MARCHF1: variants seen among roughly 807,000 people sequenced by gnomAD.
MARCHF1 encodes the protein membrane associated ring-CH-type finger 1.
MARCHF1 carries 40 observed loss-of-function variants against 54.2 expected under a neutral mutation model. The ratio of observed to expected loss-of-function variants is 0.74; its 90% CI spans 0.57 to 0.96. MARCHF1 has a LOEUF of 0.96. MARCHF1 is among the 40% of genes least tolerant of loss of function. The pLI is 0.00. For synonymous variants in MARCHF1, 236 were observed against 236.3 expected, an observed-to-expected ratio of 1.00 and a Z score of 0.01; for missense variants, 586 against 656.5, an observed-to-expected ratio of 0.89 and a Z score of 1.17.
intron 4 of MARCHF1, among the ~76,000 whole-genome samples, chr4:163,765,830 AG>A (rs1746959142): frequency 2.0e-5 from 3 of 148,150 alleles, no homozygotes; most frequent in Non-Finnish European, 4.5e-5. Flanking sequence ...ATATAGATAT[AG>A]ATATAGATAT....
chr4:163,788,273 G>C (rs1579287499), intron 4 of MARCHF1, among the ~76,000 whole-genome samples: 1 of 151,826 alleles, frequency 6.6e-6, no homozygotes, highest in Non-Finnish European at 1.5e-5. Context: ...CTAATTTTAG[G>C]TTTATAGAAG....
Position 164,095,701 on chromosome 4 carries a change from G to A in MARCHF1, c.-248+15887C>T, listed in dbSNP as rs373752393. On this transcript the variant is annotated intron_variant, in intron 2 of 9. Coordinates refer to ENST00000514618, the MANE Select transcript of MARCHF1 (RefSeq NM_001394959.1). ...TCTGAAATTATTCTAAAAGTAAAAA[G>A]AAAAACCAAAACTCAACCAAAAAAC... Among the ~76,000 whole-genome samples the A allele has an allele frequency of 8.5e-3, 1,293 of 151,906 alleles. 19 individuals carry two copies. Among genetic ancestry groups the A allele is most frequent in the East Asian group, 0.051 (265 of 5,172 alleles).
chr4:163,644,084 AGCTAATAT>A (rs1742664074), intron 5 of MARCHF1, among the ~76,000 whole-genome samples: 1 of 152,158 alleles, frequency 6.6e-6, no homozygotes, highest in African/African-American at 2.4e-5. Flanking sequence ...ATTTAGGTAA[AGCTAATAT>A]TTTTACGTAT....
intron 1 of MARCHF1, among the ~76,000 whole-genome samples, chr4:164,297,169 G>T (rs1308138262): frequency 6.6e-6 from 1 of 152,150 alleles, no homozygotes; most frequent in African/African-American, 2.4e-5. Flanking sequence ...AATTCTCAAT[G>T]CAAACAATAA....
At chr4:163,635,309 G>T (rs1418307052) in intron 5 of MARCHF1, among the ~76,000 whole-genome samples, 8 of 147,168 alleles carry the variant, frequency 5.4e-5, no homozygotes, top group Non-Finnish European at 1.2e-4. Flanking sequence ...GAATCCAGGA[G>T]CTGGTTTTTT....
intron 1 of MARCHF1, among the ~76,000 whole-genome samples, chr4:164,133,110 T>C (rs1756334931): frequency 6.6e-6 from 1 of 152,150 alleles, no homozygotes; most frequent in African/African-American, 2.4e-5. Flanking sequence ...ATTATCTGAC[T>C]GGTGTATTTG....
chr4:163,557,760 T>C (rs1739339538), intron 8 of MARCHF1, among the ~76,000 whole-genome samples: 2 of 152,192 alleles, frequency 1.3e-5, no homozygotes, highest in African/African-American at 2.4e-5. Context: ...ATGATTATTA[T>C]TTATAAATCT....
At chr4:164,152,544 C>A (rs893515664) in intron 1 of MARCHF1, among the ~76,000 whole-genome samples, 1 of 152,102 alleles carries the variant, frequency 6.6e-6, no homozygotes, top group East Asian at 1.9e-4. Context: ...AATACATTTC[C>A]TTGACATACC....
At chr4:164,165,247 T>C (rs1025786934) in intron 1 of MARCHF1, among the ~76,000 whole-genome samples, 1 of 152,026 alleles carries the variant, frequency 6.6e-6, no homozygotes, top group Non-Finnish European at 1.5e-5. Context: ...TGACTATATT[T>C]GGAGATAGGG....
intron 4 of MARCHF1, among the ~76,000 whole-genome samples, chr4:163,815,008 C>A (rs936406708): frequency 6.6e-6 from 1 of 152,098 alleles, no homozygotes; most frequent in African/African-American, 2.4e-5. Context: ...TAAATGCCAG[C>A]TTCAGACATA....
intron 1 of MARCHF1, among the ~76,000 whole-genome samples, chr4:164,181,666 T>C (rs1730837645): frequency 6.6e-6 from 1 of 152,214 alleles, no homozygotes; most frequent in African/African-American, 2.4e-5. Context: ...AAGGTGATTA[T>C]ATTTTTAGTA....
At chr4:163,989,868 T>A (rs1348017791) in intron 2 of MARCHF1, among the ~76,000 whole-genome samples, 1 of 152,322 alleles carries the variant, frequency 6.6e-6, no homozygotes, top group African/African-American at 2.4e-5. Flanking sequence ...TCACCCCAAA[T>A]GAAGCATAAT....
At chr4:163,900,106 T>C (rs1750905432) in intron 3 of MARCHF1, among the ~76,000 whole-genome samples, 1 of 152,150 alleles carries the variant, frequency 6.6e-6, no homozygotes, top group Non-Finnish European at 1.5e-5. Flanking sequence ...AGATTTTATT[T>C]ATAATCTTTT....
chr4:163,986,155 A>T (rs1280933340), intron 3 of MARCHF1, among the ~76,000 whole-genome samples: 1 of 151,372 alleles, frequency 6.6e-6, no homozygotes, highest in African/African-American at 2.4e-5. Flanking sequence ...AAACATTATA[A>T]GTGCTTCCCT....
intron 5 of MARCHF1, among the ~76,000 whole-genome samples, chr4:163,682,153 A>AT (rs1382778881): frequency 6.6e-6 from 1 of 152,198 alleles, no homozygotes; most frequent in Admixed American, 6.5e-5. Flanking sequence ...GACTGGCAGC[A>AT]TTTTGCCCTT....
At chr4:164,257,970 C>T (rs963912140) in intron 1 of MARCHF1, among the ~76,000 whole-genome samples, 5 of 152,148 alleles carry the variant, frequency 3.3e-5, no homozygotes, top group Non-Finnish European at 5.9e-5. Flanking sequence ...TATTGCAGCA[C>T]TGTTCACAAT....
Position 163,717,102 on chromosome 4 carries a change from C to T in MARCHF1, c.112-16239G>A, listed in dbSNP as rs1212561932. ...TGTTGGTGTGCTGCACCCATTAACT[C>T]GTCATTTAGCATTAGGTATATCTCC... On this transcript the variant is annotated intron_variant, in intron 4 of 9. Transcript: ENST00000514618. 8.7e-5 allele frequency among the ~76,000 whole-genome samples: 13 copies of T among 149,514 alleles called. 1 individual carries two copies. In the East Asian group the frequency reaches 1.4e-3, roughly 16 times the overall value.
chr4:163,816,560 T>G (rs1271128050), intron 4 of MARCHF1, among the ~76,000 whole-genome samples: 1 of 152,062 alleles, frequency 6.6e-6, no homozygotes, highest in Non-Finnish European at 1.5e-5. Flanking sequence ...TTTACAAATA[T>G]TTATTGGACA....
intron 1 of MARCHF1, among the ~76,000 whole-genome samples, chr4:164,380,302 C>T (rs987836032): frequency 3.3e-5 from 4 of 120,200 alleles, no homozygotes. Context: ...ATTAAGTTCA[C>T]TAATATATAA....
Sources: gnomAD v4.1 joint callset for allele counts (sites outside exome capture counted in the v4.1 genomes callset) on GRCh38, gnomAD v4.1.1 for gene constraint, MANE v1.5 for transcripts, NCBI Gene and HGNC (gene_info 2026-07-23, HGNC 2026-07-21) for gene names.